CFAP92: variants seen among roughly 807,000 people sequenced by gnomAD.
The protein encoded by CFAP92 is cilia and flagella associated protein 92 (putative).
CFAP92 carries 86 observed loss-of-function variants against 106.3 expected under a neutral mutation model. That is an observed-to-expected ratio of 0.81 (90% confidence interval 0.68 to 0.97). The LOEUF is 0.97. CFAP92 is among the 50% of genes least tolerant of loss of function. The probability of loss-of-function intolerance (pLI) is 0.00; values close to 1 mark genes in which losing one functional copy is unlikely to be tolerated. For synonymous variants in CFAP92, 477 were observed against 506.4 expected, an observed-to-expected ratio of 0.94 and a Z score of 0.78; for missense variants, 1,204 against 1,283.8, an observed-to-expected ratio of 0.94 and a Z score of 0.95.
intron 9 of CFAP92, among the ~76,000 whole-genome samples, chr3:128,961,005 T>C (rs879366290): frequency 1.3e-5 from 2 of 151,998 alleles, no homozygotes; most frequent in Non-Finnish European, 2.9e-5. Flanking sequence ...CCACCCTCCA[T>C]TCCTCCTCCT....
chr3:128,982,205 A>C (rs1258146831), intron 4 of CFAP92, among the ~76,000 whole-genome samples: 2 of 152,242 alleles, frequency 1.3e-5, no homozygotes, highest in African/African-American at 4.8e-5. Flanking sequence ...TGCCTTCATC[A>C]GTGATCTTAG....
chr3:128,933,812 C>T (rs1458552836), intron 11 of CFAP92, among the ~76,000 whole-genome samples: 1 of 152,164 alleles, frequency 6.6e-6, no homozygotes, highest in Non-Finnish European at 1.5e-5. Context: ...GTGGCACCAC[C>T]CCACATGCCA....
At position 128,945,767 on chromosome 3, in the gene CFAP92, C is replaced by A; in HGVS notation, c.1562G>T (p.Cys521Phe). The change falls in exon 10 of 16, where the codon TGT becomes TTT. Residue 521 changes from cysteine to phenylalanine, a missense_variant. Transcript: ENST00000645291. Reference sequence around the variant, plus strand: ...CCCAAACAGCACGGGCTTCTGAGAACACTCCTCTGACTTGCGGTCCCGGTC... The same window carrying A: ...CCCAAACAGCACGGGCTTCTGAGAAAACTCCTCTGACTTGCGGTCCCGGTC... ...VHDRDRKSEECSQKPVLFGED... is the reference protein window; with the variant it reads ...VHDRDRKSEEFSQKPVLFGED... The A allele has an allele frequency of 1.3e-6, 2 of 1,534,340 alleles. No homozygotes were observed. Among genetic ancestry groups the A allele is most frequent in the Non-Finnish European group, 1.7e-6 (2 of 1,146,048 alleles).
In CFAP92 at chr3:128,915,496, T is replaced by G; in HGVS notation, c.2984A>C (p.Lys995Thr). 2 of 1,536,078 alleles carry G rather than the reference T, an allele frequency of 1.3e-6. No individual in the cohort carries two copies. The highest frequency in any genetic ancestry group is 1.7e-6 in the Non-Finnish European group (2 of 1,146,886). Reference protein sequence around the residue: ...LSAMVEPLDLKEEEKKAQKKS... With the variant: ...LSAMVEPLDLTEEEKKAQKKS... ...CTTCTGGGCTTTCTTCTCCTCTTCCTTCAAGTCCAGGGGCTCCACCATGGC... is the reference window on the plus strand; with the variant it reads ...CTTCTGGGCTTTCTTCTCCTCTTCCGTCAAGTCCAGGGGCTCCACCATGGC... The change falls in exon 14 of 16, where the codon AAG (lysine) becomes ACG (threonine). Residue 995 changes from lysine to threonine, a missense_variant. Physicochemically the swap from Lys to Thr is moderately conservative, Grantham distance 78. Coordinates refer to ENST00000645291, the MANE Select transcript of CFAP92 (RefSeq NM_001394090.1).
intron 2 of CFAP92, among the ~76,000 whole-genome samples, chr3:128,989,367 G>C (rs1249610598): frequency 7.2e-6 from 1 of 138,222 alleles, no homozygotes; most frequent in African/African-American, 2.6e-5. Flanking sequence ...TGTGAAGAAC[G>C]AAGGTGGAGG....
chr3:128,997,675 G>A (rs182135855), upstream of CFAP92, among the ~76,000 whole-genome samples: 150 of 152,228 alleles, frequency 9.9e-4, no homozygotes, highest in Non-Finnish European at 1.4e-3. Flanking sequence ...ATATTCTATT[G>A]TATGGACAGA....
the CFAP92 span, among the ~76,000 whole-genome samples, chr3:129,013,686 C>G: frequency 1.3e-5 from 2 of 152,230 alleles, no homozygotes; most frequent in South Asian, 4.1e-4. Flanking sequence ...GACTGGCCAG[C>G]CTAGGGTCAT....
chr3:128,931,748 C>T (rs1938420992), intron 12 of CFAP92, among the ~76,000 whole-genome samples: 1 of 151,940 alleles, frequency 6.6e-6, no homozygotes, highest in South Asian at 2.1e-4. Flanking sequence ...AACAGCCAGG[C>T]ACAGTGACTC....
Position 128,932,999 on chromosome 3 carries a change from T to C in CFAP92, c.2454-2A>G, listed in dbSNP as rs1362734848. The C allele has an allele frequency of 1.6e-5, 24 of 1,535,946 alleles. No individual in the cohort carries two copies. The highest frequency in any genetic ancestry group is 2.1e-5 in the Non-Finnish European group (24 of 1,146,866). On this transcript the variant is annotated splice_acceptor_variant, in intron 11 of 15. Transcript: ENST00000645291. LOFTEE classifies it high-confidence loss of function. ...CTGTTATAGCAGATGTCGTGGATCC[T>C]GGAACAAAGAACCACTGCCCCACTG...
chr3:128,981,181 C>T (rs113186541), intron 4 of CFAP92, among the ~76,000 whole-genome samples: 31,681 of 151,236 alleles, frequency 0.21, 3,596 homozygotes, highest in Middle Eastern at 0.27. Flanking sequence ...GGACTACAGG[C>T]GCCCACCACC....
chr3:129,002,301 G>T, intron 1 of CFAP92: 1 of 1,526,392 alleles, frequency 6.6e-7, no homozygotes, highest in Non-Finnish European at 8.7e-7. Flanking sequence ...GCAGAGCAGT[G>T]ATGCGCGCTG....
chr3:128,916,388 T>A, intron 12 of CFAP92, 117 bp from the exon 13 acceptor site: 17 of 627,030 alleles, frequency 2.7e-5, no homozygotes, highest in South Asian at 8.6e-5. Context: ...TGATTGATTC[T>A]TCAATACTGG....
Position 128,945,109 on chromosome 3 carries a change from G to C in CFAP92, c.2220C>G (p.Asp740Glu). 1 of 1,533,700 alleles carries C rather than the reference G, an allele frequency of 6.5e-7. No individual in the cohort carries two copies. Among genetic ancestry groups the C allele is most frequent in the African/African-American group, 1.4e-5 (1 of 73,080 alleles). Residue 740 changes from aspartate to glutamate, a missense_variant, in exon 10 of 16, where the codon GAC becomes GAG. Physicochemically the swap from Asp to Glu is conservative, Grantham distance 45 (BLOSUM62 2). Transcript: ENST00000645291. ...TCTCCCACAGCTGCCTCAAGCCTTG[G>C]TCGGCCAGGCCTTCCAGGATGAAAA... is the stretch of plus-strand genomic sequence containing the variant. Reference protein sequence around the residue: ...THLFILEGLADQGLRQLWENH... With the variant: ...THLFILEGLAEQGLRQLWENH...
At position 128,953,522 on chromosome 3, in the gene CFAP92, TAAAAAG is replaced by T. The variant is rs1369889158; in HGVS notation, c.1354-7553_1354-7548del. Among the ~76,000 whole-genome samples, 3 of 147,240 alleles carry T rather than the reference TAAAAAG, an allele frequency of 2.0e-5. No homozygotes were observed. The East Asian group carries it at 6.0e-4, about 30-fold the overall frequency. On this transcript the variant is annotated intron_variant, in intron 9 of 15. Transcript: ENST00000645291. ...AGAGCAAGACTCTGTCTCAAGAAAA[TAAAAAG>T]AAAGAGGGATAATCACTCGCTTAAG...
intron 9 of CFAP92, among the ~76,000 whole-genome samples, chr3:128,955,855 C>T (rs1576509568): frequency 3.3e-5 from 1 of 30,290 alleles, no homozygotes; most frequent in Non-Finnish European, 5.3e-5. Context: ...CCTTGGGATC[C>T]TGTTGATCTG....
chr3:129,004,567 C>G (rs937425486), upstream of CFAP92, among the ~76,000 whole-genome samples: 20 of 150,596 alleles, frequency 1.3e-4, no homozygotes, highest in Non-Finnish European at 2.7e-4. Flanking sequence ...TCCATCCATC[C>G]TCCTGTTCAT....
the CFAP92 span, among the ~76,000 whole-genome samples, chr3:129,020,788 G>A: frequency 6.6e-6 from 1 of 152,218 alleles, no homozygotes; most frequent in East Asian, 1.9e-4. Context: ...GGCTCCAGGG[G>A]AGGGAGCCAG....
At chr3:129,024,963 C>G in the CFAP92 span, among the ~76,000 whole-genome samples, 1 of 152,136 alleles carries the variant, frequency 6.6e-6, no homozygotes, top group Non-Finnish European at 1.5e-5. Context: ...ACCCAGCGGC[C>G]ACTCTTTGGG....
rs188959057 is a variant in CFAP92, at chr3:128,965,010, C to T, written c.1353+501G>A. On this transcript the variant is annotated intron_variant, in intron 9 of 15. Coordinates refer to ENST00000645291, the MANE Select transcript of CFAP92 (RefSeq NM_001394090.1). ...GCCATCACATCCCCTGTGACTTGCA[C>T]GTATACATCCAGATGGCCTGAAGTA... 4.8e-3 allele frequency among the ~76,000 whole-genome samples: 738 copies of T among 152,338 alleles called. 7 individuals are homozygous for T. Among genetic ancestry groups the T allele is most frequent in the African/African-American group, 0.017 (702 of 41,570 alleles).
Sources: gnomAD v4.1 joint callset for allele counts (sites outside exome capture counted in the v4.1 genomes callset) on GRCh38, gnomAD v4.1.1 for gene constraint, MANE v1.5 for transcripts, NCBI Gene and HGNC (gene_info 2026-07-23, HGNC 2026-07-21) for gene names.